The following IFT74 variants were observed in gnomAD, a reference collection of about 807,000 sequenced individuals.
IFT74 encodes intraflagellar transport protein 74 homolog.
Under a neutral mutation model 96.7 loss-of-function variants are expected in IFT74, and 92 were observed. The observed-to-expected ratio is 0.95, with a 90% confidence interval of 0.80 to 1.13. IFT74 has a LOEUF of 1.13. Ranked by LOEUF, IFT74 falls within the 50% of genes most tolerant of loss-of-function variation. The probability of loss-of-function intolerance (pLI) is 0.00; values close to 1 mark genes in which losing one functional copy is unlikely to be tolerated. For synonymous variants in IFT74, 223 were observed against 213.2 expected (o/e 1.05, Z -0.40); for missense variants, 811 against 698.2 (o/e 1.16, Z -1.82).
intron 12 of IFT74, among the ~76,000 whole-genome samples, chr9:27,025,296 C>T (rs1052148961): frequency 4.0e-5 from 6 of 149,010 alleles, no homozygotes; most frequent in African/African-American, 7.7e-5. Flanking sequence ...TACAAAAATC[C>T]GCTGGGCATG....
chr9:26,988,759 A>C (rs778214449), intron 7 of IFT74, 31 bp downstream of exon 7: 2 of 1,474,288 alleles, frequency 1.4e-6, no homozygotes, highest in Non-Finnish European at 1.8e-6. Context: ...AAATTGATCT[A>C]TGTAAGTCAT....
intron 10 of IFT74, among the ~76,000 whole-genome samples, chr9:27,015,669 A>G (rs951052043): frequency 6.6e-6 from 1 of 152,096 alleles, no homozygotes; most frequent in Non-Finnish European, 1.5e-5. Context: ...CTTCCCTTCT[A>G]AGAATTTTAT....
At chr9:27,019,578 AT>A (rs1829502197) in intron 12 of IFT74, among the ~76,000 whole-genome samples, 1 of 151,390 alleles carries the variant, frequency 6.6e-6, no homozygotes, top group Admixed American at 6.6e-5. Flanking sequence ...CTAAGCATGT[AT>A]TAGTTTTTAT....
chr9:27,053,230 G>A (rs758960453), intron 16 of IFT74, among the ~76,000 whole-genome samples: 27 of 124,624 alleles, frequency 2.2e-4, no homozygotes, highest in Non-Finnish European at 3.8e-4. Flanking sequence ...AGAAAACTTA[G>A]ATATTATAAT....
At chr9:27,035,488 G>T (rs891516279) in intron 13 of IFT74, among the ~76,000 whole-genome samples, 1 of 152,210 alleles carries the variant, frequency 6.6e-6, no homozygotes, top group African/African-American at 2.4e-5. Context: ...TCTGAAACTT[G>T]TTAGAAATGC....
chr9:26,962,011 G>C lies in IFT74; in HGVS notation c.44G>C (p.Arg15Thr). 6.2e-7 allele frequency: 1 copy of C among 1,614,186 alleles called. No homozygotes were observed. The highest frequency in any genetic ancestry group is 8.5e-7 in the Non-Finnish European group (1 of 1,180,012). ...HKSSAARPVS[R>T]GGVGLTGRPP... ...TCTTCAGCAGCTCGCCCTGTTTCAA[G>C]AGGTGGAGTTGGGTTAACAGGAAGG... Residue 15 changes from arginine (R) to threonine (T), a missense_variant, in exon 2 of 20, where the codon AGA (arginine) becomes ACA (threonine). Arg to Thr is a moderately conservative substitution (Grantham distance 71, BLOSUM62 -1). Transcript: ENST00000380062.
intron 18 of IFT74, among the ~76,000 whole-genome samples, chr9:27,056,880 A>C (rs1820187555): frequency 2.0e-5 from 3 of 151,800 alleles, no homozygotes; most frequent in Non-Finnish European, 4.4e-5. Flanking sequence ...AGATAGATAG[A>C]TAGATAGATA....
chr9:27,006,580 A>G (rs943747922), intron 8 of IFT74, among the ~76,000 whole-genome samples: 5 of 145,912 alleles, frequency 3.4e-5, no homozygotes, highest in Non-Finnish European at 7.6e-5. Context: ...CTGGGTGACA[A>G]GTGGTACCTG....
chr9:27,020,590 T>C (rs1829554493), intron 12 of IFT74, among the ~76,000 whole-genome samples: 1 of 151,354 alleles, frequency 6.6e-6, no homozygotes, highest in South Asian at 2.1e-4. Flanking sequence ...TTCTCCTGCC[T>C]CAGCCTCCCC....
chr9:27,011,362 T>C (rs528896066), intron 9 of IFT74, among the ~76,000 whole-genome samples: 2 of 152,268 alleles, frequency 1.3e-5, no homozygotes, highest in African/African-American at 4.8e-5. Flanking sequence ...ATCTTAGGAG[T>C]GAACCATATT....
chr9:26,976,632 C>A, intron 2 of IFT74: 1 of 407,024 alleles, frequency 2.5e-6, no homozygotes, highest in South Asian at 1.8e-5. Flanking sequence ...TGAGCTGGGG[C>A]TGTGGCATGC....
chr9:27,011,925 A>ATGAAAAACACAATTGGACATGAAGAAC lies in IFT74; in HGVS notation c.746_747insTGAAAAACACAATTGGACATGAAGAAC (p.Gln249delinsHisGluLysHisAsnTrpThrTer). On this transcript the variant is annotated stop_gained and protein_altering_variant, in exon 10 of 20. Coordinates refer to ENST00000380062, the MANE Select transcript of IFT74 (RefSeq NM_025103.4). LOFTEE classifies it high-confidence loss of function. ...ACTTAGGAATTAGATACACTTCAAC[A>ATGAAAAACACAATTGGACATGAAGAAC]ACAATTGGATTCACAGAACATGAAA... is the stretch of plus-strand genomic sequence containing the variant. 1 of 1,583,660 alleles carries ATGAAAAACACAATTGGACATGAAGAAC rather than the reference A, an allele frequency of 6.3e-7. No homozygotes were observed. The highest frequency in any genetic ancestry group is 8.6e-7 in the Non-Finnish European group (1 of 1,166,138).
intron 13 of IFT74, among the ~76,000 whole-genome samples, chr9:27,044,133 C>A (rs1248962512): frequency 6.6e-6 from 1 of 152,094 alleles, no homozygotes; most frequent in African/African-American, 2.4e-5. Flanking sequence ...TTTATGCTAC[C>A]ATATTCATCC....
At chr9:27,036,798 A>T in intron 13 of IFT74, 2 of 1,099,776 alleles carry the variant, frequency 1.8e-6, no homozygotes, top group Non-Finnish European at 2.2e-6. Context: ...GATCTTTTGA[A>T]AAGTGGCGTG....
chr9:26,973,951 T>G (rs927185370), intron 2 of IFT74, among the ~76,000 whole-genome samples: 94 of 152,328 alleles, frequency 6.2e-4, no homozygotes, highest in African/African-American at 2.1e-3. Context: ...TCTTTTTCCC[T>G]TTTTAATTTG....
chr9:27,037,185 A>G (rs1419513534), intron 13 of IFT74, among the ~76,000 whole-genome samples: 2 of 140,516 alleles, frequency 1.4e-5, no homozygotes, highest in Non-Finnish European at 3.0e-5. Flanking sequence ...GTGCCATTGC[A>G]CTCCAGCCTG....
At chr9:27,019,008 G>C (rs1295285500) in intron 12 of IFT74, among the ~76,000 whole-genome samples, 5 of 151,848 alleles carry the variant, frequency 3.3e-5, no homozygotes, top group Non-Finnish European at 7.4e-5. Flanking sequence ...GTCTCATTCT[G>C]CTGCCCAGAC....
At chr9:27,011,374 A>C (rs1159813856) in intron 9 of IFT74, among the ~76,000 whole-genome samples, 1 of 152,230 alleles carries the variant, frequency 6.6e-6, no homozygotes, top group East Asian at 1.9e-4. Context: ...AACCATATTT[A>C]TATTTACATA....
At chr9:27,011,003 T>A (rs1221685466) in intron 9 of IFT74, among the ~76,000 whole-genome samples, 1 of 152,204 alleles carries the variant, frequency 6.6e-6, no homozygotes, top group African/African-American at 2.4e-5. Flanking sequence ...TTTAGTAACC[T>A]TTTTATTTTA....
Sources: gnomAD v4.1 joint callset for allele counts (sites outside exome capture counted in the v4.1 genomes callset) on GRCh38, gnomAD v4.1.1 for gene constraint, MANE v1.5 for transcripts, NCBI Gene and HGNC (gene_info 2026-07-23, HGNC 2026-07-21) for gene names.